KAT14: variants seen among roughly 807,000 people sequenced by gnomAD.
KAT14 encodes cysteine-rich protein 2-binding protein.
In KAT14, 66 loss-of-function variants were observed where a neutral mutation model predicts 78.4. That is an observed-to-expected ratio of 0.84 (90% CI 0.69 to 1.03). The LOEUF is 1.03. Among genes scored for constraint, KAT14 ranks in the 50% least tolerant of loss-of-function variants. The probability of loss-of-function intolerance (pLI) is 0.00; values close to 1 mark genes in which losing one functional copy is unlikely to be tolerated. For synonymous variants in KAT14, 344 were observed against 359.4 expected (o/e 0.96, Z 0.48); for missense variants, 870 against 972.5 (o/e 0.89, Z 1.40).
At chr20:18,164,647 C>G (rs2038574930) in intron 7 of KAT14, among the ~76,000 whole-genome samples, 1 of 142,470 alleles carries the variant, frequency 7.0e-6, no homozygotes, top group South Asian at 2.2e-4. Context: ...GACATGGTCT[C>G]TCTCTGTCAC....
chr20:18,186,465 T>G (rs1015777062), intron 10 of KAT14, among the ~76,000 whole-genome samples: 1 of 152,190 alleles, frequency 6.6e-6, no homozygotes, highest in African/African-American at 2.4e-5. Context: ...AGAAAGCAGG[T>G]AGCTATCAGA....
At chr20:18,174,577 T>G (rs1473136253) in intron 7 of KAT14, among the ~76,000 whole-genome samples, 2 of 152,210 alleles carry the variant, frequency 1.3e-5, no homozygotes, top group African/African-American at 4.8e-5. Flanking sequence ...TATTATACTT[T>G]AAAATTCTTG....
At chr20:18,186,602 T>C (rs1024793217) in intron 10 of KAT14, among the ~76,000 whole-genome samples, 3 of 152,214 alleles carry the variant, frequency 2.0e-5, no homozygotes, top group African/African-American at 7.2e-5. Flanking sequence ...GATATGACTT[T>C]TGGGACACCT....
At chr20:18,157,311 G>A (rs1402857229) in intron 4 of KAT14, among the ~76,000 whole-genome samples, 2 of 152,116 alleles carry the variant, frequency 1.3e-5, no homozygotes. Flanking sequence ...TACCTCCCAG[G>A]CACAAGTGAT....
At chr20:18,185,451 C>T (rs1343039511) in intron 10 of KAT14, among the ~76,000 whole-genome samples, 1 of 152,190 alleles carries the variant, frequency 6.6e-6, no homozygotes, top group Admixed American at 6.5e-5. Context: ...ATCCTTCCAC[C>T]TCAGCCTCCC....
intron 3 of KAT14, among the ~76,000 whole-genome samples, chr20:18,149,841 T>C (rs567828877): frequency 2.6e-5 from 4 of 152,128 alleles, no homozygotes; most frequent in South Asian, 2.1e-4. Flanking sequence ...TCCCAGCTAC[T>C]TGGGAGGCTG....
chr20:18,158,989 G>T, intron 4 of KAT14, 95 bp from the exon 5 acceptor site: 3 of 1,399,136 alleles, frequency 2.1e-6, no homozygotes, highest in South Asian at 1.7e-5. Flanking sequence ...AGGTGCCATT[G>T]CATGTTGCAG....
intron 7 of KAT14, 36 bp downstream of exon 7, chr20:18,162,981 C>T (rs1277439196): frequency 6.3e-7 from 1 of 1,597,836 alleles, no homozygotes; most frequent in Admixed American, 1.7e-5. Context: ...CCCTTGGGGG[C>T]AGGAGTGGAG....
At chr20:18,138,485 A>G (rs2037388337) in intron 1 of KAT14, 2 of 986,142 alleles carry the variant, frequency 2.0e-6, no homozygotes, top group Non-Finnish European at 2.4e-6. Flanking sequence ...GCAAGCTACC[A>G]GCCTCCCTCC....
At chr20:18,161,125 G>T (rs992477976) in intron 5 of KAT14, among the ~76,000 whole-genome samples, 1 of 148,518 alleles carries the variant, frequency 6.7e-6, no homozygotes, top group Non-Finnish European at 1.5e-5. Context: ...AGTGAGCCGA[G>T]ATCACACCAC....
chr20:18,143,650 G>A (rs571812254), intron 2 of KAT14, among the ~76,000 whole-genome samples: 2 of 126,214 alleles, frequency 1.6e-5, no homozygotes, highest in Non-Finnish European at 3.4e-5. Context: ...TTTTTGAGAC[G>A]GAGTTTTCCT....
At chr20:18,183,338 TA>T (rs1483295387) in intron 9 of KAT14, 40 bp downstream of exon 9, 1 of 1,573,152 alleles carries the variant, frequency 6.4e-7, no homozygotes, top group African/African-American at 1.4e-5. Context: ...CATTTTTCTG[TA>T]CAGTCCATTC....
rs1455086831 is a variant in KAT14, at chr20:18,181,706, A to T, written c.1669-4A>T. 1.2e-6 allele frequency: 2 copies of T among 1,613,878 alleles called. No individual in the cohort carries two copies. The highest frequency in any genetic ancestry group is 2.7e-5 in the African/African-American group (2 of 74,904). On this transcript the variant is annotated splice_region_variant and splice_polypyrimidine_tract_variant and intron_variant, in intron 7 of 10. Transcript: ENST00000688188. ...TCTATATAACCAGTGTTTCTTTCTC[A>T]TAGACTTCCTTGCCGTCCAGGAAGG... is the stretch of plus-strand genomic sequence containing the variant.
chr20:18,182,416 C>T (rs1228431512), intron 8 of KAT14, among the ~76,000 whole-genome samples: 1 of 152,168 alleles, frequency 6.6e-6, no homozygotes, highest in Non-Finnish European at 1.5e-5. Flanking sequence ...GCCACTGGGG[C>T]CGGCCCTCAT....
At chr20:18,170,979 A>G (rs183467868) in intron 7 of KAT14, among the ~76,000 whole-genome samples, 17 of 152,340 alleles carry the variant, frequency 1.1e-4, no homozygotes, top group African/African-American at 4.1e-4. Flanking sequence ...ATCAAGGAGT[A>G]ATTTTGACTT....
intron 3 of KAT14, among the ~76,000 whole-genome samples, 184 bp downstream of exon 3, chr20:18,145,535 C>T (rs1568663306): frequency 6.6e-6 from 1 of 152,230 alleles, no homozygotes; most frequent in African/African-American, 2.4e-5. Flanking sequence ...AATCCCAGCA[C>T]TCTGGGAGGC....
intron 3 of KAT14, 46 bp from the exon 4 acceptor site, chr20:18,150,775 C>T (rs2038003821): frequency 1.2e-6 from 2 of 1,611,940 alleles, no homozygotes; most frequent in Non-Finnish European, 1.7e-6. Flanking sequence ...AGATTAACAT[C>T]CCTAACCGTG....
rs947403331 is a variant in KAT14, at chr20:18,151,730, G to A, written c.500+788G>A. ...GATTAAAAAAAAAACTTGGCTGGGC[G>A]CAGTGGCTCATGCCTGTAATCCCAG... On this transcript the variant is annotated intron_variant, in intron 4 of 10. Coordinates refer to ENST00000688188, the MANE Select transcript of KAT14 (RefSeq NM_001392073.1). 4.6e-5 allele frequency among the ~76,000 whole-genome samples: 7 copies of A among 151,900 alleles called. 1 individual carries two copies. The highest frequency in any genetic ancestry group is 4.2e-4 in the South Asian group (2 of 4,808).
At chr20:18,138,681 A>G (rs532886416) in intron 1 of KAT14, among the ~76,000 whole-genome samples, 25 of 152,322 alleles carry the variant, frequency 1.6e-4, no homozygotes, top group Non-Finnish European at 3.1e-4. Flanking sequence ...AACGATAGAG[A>G]TAACAGTCTC....
Sources: allele counts gnomAD v4.1 joint callset (sites outside exome capture counted in the v4.1 genomes callset), GRCh38; gene constraint gnomAD v4.1.1; transcripts MANE v1.5; gene names NCBI Gene and HGNC (gene_info 2026-07-23, HGNC 2026-07-21).